The following DGKB variants were observed in gnomAD, a reference collection of about 807,000 sequenced individuals.
DGKB encodes 90 kDa diacylglycerol kinase.
Under a neutral mutation model 114.3 loss-of-function variants are expected in DGKB, and 67 were observed. The observed-to-expected ratio is 0.59, with a 90% confidence interval of 0.48 to 0.72. The LOEUF is 0.72. DGKB is among the 30% of genes least tolerant of loss of function. DGKB has a pLI of 0.00. For synonymous variants in DGKB, 398 were observed against 323.1 expected (o/e 1.23, Z -2.49); for missense variants, 907 against 975.2 (o/e 0.93, Z 0.93).
At chr7:14,361,789 T>C (rs992144931) in intron 21 of DGKB, among the ~76,000 whole-genome samples, 1 of 152,028 alleles carries the variant, frequency 6.6e-6, no homozygotes, top group Non-Finnish European at 1.5e-5. Flanking sequence ...GAATTCCAAT[T>C]GGGAATATTT....
chr7:14,330,892 C>T (rs1809607930), intron 23 of DGKB, among the ~76,000 whole-genome samples: 2 of 151,692 alleles, frequency 1.3e-5, no homozygotes, highest in South Asian at 2.1e-4. Flanking sequence ...GATAAGAGTA[C>T]CTGGTCTTAT....
intron 1 of DGKB, among the ~76,000 whole-genome samples, chr7:14,891,714 C>T (rs1273189652): frequency 6.6e-6 from 1 of 151,156 alleles, no homozygotes; most frequent in African/African-American, 2.4e-5. Flanking sequence ...AATGCTAGTA[C>T]CCAAAATAAA....
intron 21 of DGKB, among the ~76,000 whole-genome samples, chr7:14,451,845 G>GT (rs1563211548): frequency 6.6e-6 from 1 of 151,980 alleles, no homozygotes; most frequent in East Asian, 1.9e-4. Flanking sequence ...TACTTCACCA[G>GT]TAAGAGTGGC....
At chr7:14,682,704 A>T in intron 11 of DGKB, 35 bp from the exon 12 acceptor site, 1 of 1,605,796 alleles carries the variant, frequency 6.2e-7, no homozygotes, top group Non-Finnish European at 8.5e-7. Context: ...ATAAGAGGAC[A>T]CACTACATAA....
chr7:14,249,333 T>C lies in DGKB; in HGVS notation c.2123-71182A>G, dbSNP rs559578807. 5.9e-5 allele frequency among the ~76,000 whole-genome samples: 9 copies of C among 152,284 alleles called. No homozygotes were observed. In the East Asian group the frequency reaches 1.2e-3, roughly 20 times the overall value. On this transcript the variant is annotated intron_variant, in intron 23 of 25. Transcript: ENST00000402815. The stretch of plus-strand genomic sequence containing the variant: ...CTTGTAGTGTTTTTATCTGGCTTTG[T>C]TGTCAGTGTAATCCTGGCCTTGCAA...
chr7:14,631,684 A>G (rs1229404594), intron 13 of DGKB, among the ~76,000 whole-genome samples: 2 of 152,042 alleles, frequency 1.3e-5, no homozygotes, highest in Non-Finnish European at 2.9e-5. Context: ...ATCAGTCTAC[A>G]TAACACCAGG....
At position 14,242,278 on chromosome 7, in the gene DGKB, A is replaced by G. The variant is rs114668555; in HGVS notation, c.2123-64127T>C. 7.9e-4 allele frequency among the ~76,000 whole-genome samples: 120 copies of G among 152,262 alleles called. 1 individual carries two copies. The highest frequency in any genetic ancestry group is 2.6e-3 in the African/African-American group (108 of 41,560). Reference sequence around the variant, plus strand: ...GAGCAGGGTGTATGCGAGGTTGGATAAATCAGCCAAACCGAAAGGCCCTGC... The same window carrying G: ...GAGCAGGGTGTATGCGAGGTTGGATGAATCAGCCAAACCGAAAGGCCCTGC... On this transcript the variant is annotated intron_variant, in intron 23 of 25. Coordinates refer to ENST00000402815, the MANE Select transcript of DGKB (RefSeq NM_001350709.2).
At chr7:14,157,341 T>A (rs75710161) in intron 25 of DGKB, among the ~76,000 whole-genome samples, 6,218 of 150,514 alleles carry the variant, frequency 0.041, 313 homozygotes, top group African/African-American at 0.12. Context: ...AGCAAAGCAA[T>A]GAAACATAAC....
intron 9 of DGKB, among the ~76,000 whole-genome samples, chr7:14,689,209 T>TTTTATTTTA (rs1822328927): frequency 8.1e-6 from 1 of 123,848 alleles, no homozygotes; most frequent in East Asian, 2.3e-4. Flanking sequence ...ATTTTTTTTT[T>TTTTATTTTA]TTTTTTTTTT....
intron 1 of DGKB, among the ~76,000 whole-genome samples, chr7:14,952,343 G>C (rs1786248220): frequency 6.6e-6 from 1 of 151,970 alleles, no homozygotes; most frequent in Non-Finnish European, 1.5e-5. Context: ...GACAGTCATA[G>C]CAAACTGATA....
At chr7:14,387,532 C>T (rs540913805) in intron 21 of DGKB, among the ~76,000 whole-genome samples, 9 of 152,034 alleles carry the variant, frequency 5.9e-5, no homozygotes, top group Non-Finnish European at 1.2e-4. Context: ...CCCACCTAAG[C>T]CTTCAGAGTA....
At chr7:14,345,154 G>A (rs1308570188) in intron 22 of DGKB, 147 bp downstream of exon 22, 3 of 555,030 alleles carry the variant, frequency 5.4e-6, no homozygotes, top group South Asian at 4.5e-5. Flanking sequence ...TTCCAAATGA[G>A]TGAAAGGAAT....
Position 14,590,875 on chromosome 7 carries a change from C to T in DGKB, c.1434-7738G>A, listed in dbSNP as rs535513037. On this transcript the variant is annotated intron_variant, in intron 17 of 25. Transcript: ENST00000402815. ...AAAGTAGTATAGGTATGTTTTAGGT[C>T]AGAGTGCCACTCCTCTATTTCCCCA... is the stretch of plus-strand genomic sequence containing the variant. 2.6e-5 allele frequency among the ~76,000 whole-genome samples: 4 copies of T among 152,052 alleles called. No individual in the cohort carries two copies. The South Asian group carries it at 8.3e-4, about 32-fold the overall frequency.
At chr7:14,369,410 A>G (rs1441078168) in intron 21 of DGKB, among the ~76,000 whole-genome samples, 1 of 152,140 alleles carries the variant, frequency 6.6e-6, no homozygotes, top group Non-Finnish European at 1.5e-5. Flanking sequence ...TAGTAGAATG[A>G]TTTATAATCC....
rs552176376 is a variant in DGKB, at chr7:14,679,886, T to A, written c.1035+2667A>T. The stretch of plus-strand genomic sequence containing the variant: ...TATCCTGTTTAACCAAGGCACAAAA[T>A]CAATAATTAAGTAAATGTGTCCCTA... On this transcript the variant is annotated intron_variant, in intron 12 of 25. Transcript: ENST00000402815. Among the ~76,000 whole-genome samples, 30 of 152,080 alleles carry A rather than the reference T, an allele frequency of 2.0e-4. No homozygotes were observed. In the South Asian group the frequency reaches 5.8e-3, roughly 29 times the overall value.
chr7:14,740,097 G>A (rs1832356899), intron 4 of DGKB, among the ~76,000 whole-genome samples: 2 of 152,226 alleles, frequency 1.3e-5, no homozygotes, highest in South Asian at 2.1e-4. Context: ...GCTGGCCAGC[G>A]TTCCCCGCCA....
rs574695238 is a variant in DGKB, at chr7:14,522,030, T to A, written c.1771-43805A>T. 7.2e-5 allele frequency among the ~76,000 whole-genome samples: 11 copies of A among 152,308 alleles called. No individual in the cohort carries two copies. The East Asian group carries it at 2.1e-3, about 29-fold the overall frequency. On this transcript the variant is annotated intron_variant, in intron 20 of 25. Transcript: ENST00000402815. Reference sequence around the variant, plus strand: ...CTTTTGCTTTTTCTTATTCTTTATTTTTAAGCTTTGCGTCCTAAGGGTGTG... The same window carrying A: ...CTTTTGCTTTTTCTTATTCTTTATTATTAAGCTTTGCGTCCTAAGGGTGTG...
intron 2 of DGKB, 140 bp from the exon 3 acceptor site, chr7:14,757,871 T>G: frequency 5.8e-6 from 3 of 518,502 alleles, no homozygotes; most frequent in African/African-American, 2.0e-5. Context: ...AAAATATCTC[T>G]TGCCATTTTT....
At chr7:14,811,561 T>C (rs1364849744) in intron 2 of DGKB, among the ~76,000 whole-genome samples, 1 of 152,186 alleles carries the variant, frequency 6.6e-6, no homozygotes, top group Non-Finnish European at 1.5e-5. Context: ...ATTCTTTTCA[T>C]ATGATTTGTA....
Sources: allele counts gnomAD v4.1 joint callset (sites outside exome capture counted in the v4.1 genomes callset), GRCh38; gene constraint gnomAD v4.1.1; transcripts MANE v1.5; gene names NCBI Gene and HGNC (gene_info 2026-07-23, HGNC 2026-07-21).